The following ATXN1 variants were observed in gnomAD, a reference collection of about 807,000 sequenced individuals.
ATXN1 encodes ataxin-1.
A neutral mutation model predicts 56.4 loss-of-function variants in ATXN1; 8 were observed. The observed-to-expected ratio is 0.14, with a 90% confidence interval of 0.08 to 0.26. ATXN1 has a LOEUF of 0.26. Among genes scored for constraint, ATXN1 ranks in the 10% least tolerant of loss-of-function variants. The pLI, the probability that ATXN1 is intolerant of heterozygous loss-of-function variation, is 1.00. For synonymous variants in ATXN1, 514 were observed against 494.6 expected (o/e 1.04, Z -0.52); for missense variants, 987 against 1,106.5 (o/e 0.89, Z 1.53).
chr6:16,544,209 C>A (rs1034164439), intron 4 of ATXN1, among the ~76,000 whole-genome samples: 2 of 152,206 alleles, frequency 1.3e-5, no homozygotes, highest in Non-Finnish European at 2.9e-5. Context: ...GAGTGTGTGA[C>A]GAAGGTTGTG....
At chr6:16,521,509 G>T (rs1761288564) in intron 5 of ATXN1, among the ~76,000 whole-genome samples, 1 of 152,232 alleles carries the variant, frequency 6.6e-6, no homozygotes, top group African/African-American at 2.4e-5. Context: ...AGTGAGCCGA[G>T]ATCGTGCCAC....
At chr6:16,421,974 T>G (rs1407280593) in intron 6 of ATXN1, among the ~76,000 whole-genome samples, 2 of 152,182 alleles carry the variant, frequency 1.3e-5, no homozygotes, top group Admixed American at 6.5e-5. Flanking sequence ...TTTTTTATTA[T>G]ATGCCAATCC....
intron 6 of ATXN1, among the ~76,000 whole-genome samples, chr6:16,439,415 T>A (rs1243346851): frequency 8.9e-6 from 1 of 112,254 alleles, no homozygotes; most frequent in Non-Finnish European, 1.7e-5. Flanking sequence ...GATGCTGACA[T>A]CAGAATGTGT....
rs1341554354 is a variant in ATXN1 at position 16,305,087 on chromosome 6, A to G, written c.*1242T>C. The stretch of plus-strand genomic sequence containing the variant: ...GCTGAAATGTAGTTACAGTGTTGAA[A>G]AAAAGAAAGCAACTTAGTTTTTTTT... On this transcript the variant is annotated 3_prime_UTR_variant, in exon 8 of 8. Coordinates refer to ENST00000436367, the MANE Select transcript of ATXN1 (RefSeq NM_001128164.2). 6.5e-6 allele frequency: 1 copy of G among 152,702 alleles called. No individual in the cohort carries two copies. Among genetic ancestry groups the G allele is most frequent in the Non-Finnish European group, 1.5e-5 (1 of 68,044 alleles). 9.5% of individuals were successfully genotyped at this position (152,702 alleles called of 1,614,324 possible).
At chr6:16,444,766 A>C (rs1344104835) in intron 6 of ATXN1, among the ~76,000 whole-genome samples, 1 of 152,234 alleles carries the variant, frequency 6.6e-6, no homozygotes, top group East Asian at 1.9e-4. Flanking sequence ...TCCCTGATAA[A>C]TTTATGAATT....
At chr6:16,575,700 T>C (rs1762408218) in intron 4 of ATXN1, among the ~76,000 whole-genome samples, 1 of 152,206 alleles carries the variant, frequency 6.6e-6, no homozygotes, top group South Asian at 2.1e-4. Flanking sequence ...GTCCGAGTGG[T>C]TTACAGCCTA....
chr6:16,610,064 T>A (rs1349588688), intron 3 of ATXN1, among the ~76,000 whole-genome samples: 1 of 150,754 alleles, frequency 6.6e-6, no homozygotes, highest in Non-Finnish European at 1.5e-5. Context: ...CCTGAAAAAG[T>A]CTCCCAAAAG....
At chr6:16,694,895 G>C (rs1224017177) in intron 2 of ATXN1, among the ~76,000 whole-genome samples, 1 of 152,184 alleles carries the variant, frequency 6.6e-6, no homozygotes, top group Admixed American at 6.5e-5. Context: ...CTTCCCTCCT[G>C]TTCTTAGTTC....
At chr6:16,602,352 A>C (rs1195684006) in intron 3 of ATXN1, among the ~76,000 whole-genome samples, 1 of 152,284 alleles carries the variant, frequency 6.6e-6, no homozygotes, top group East Asian at 1.9e-4. Flanking sequence ...ACCAAAAAAA[A>C]TCCATACTTT....
Position 16,720,883 on chromosome 6 carries a change from T to C in ATXN1, c.-615+32350A>G, listed in dbSNP as rs571675467. Among the ~76,000 whole-genome samples the C allele has an allele frequency of 3.9e-5, 6 of 152,308 alleles. No individual in the cohort carries two copies. The South Asian group carries it at 1.0e-3, about 26-fold the overall frequency. On this transcript the variant is annotated intron_variant, in intron 2 of 7. Coordinates refer to ENST00000436367, the MANE Select transcript of ATXN1 (RefSeq NM_001128164.2). Reference sequence around the variant, plus strand: ...TAACCCATCCAGCAAAATATTTCTTTAGATGCTGTTCAGGCCAGATACTGT... The same window carrying C: ...TAACCCATCCAGCAAAATATTTCTTCAGATGCTGTTCAGGCCAGATACTGT...
At chr6:16,536,395 T>C (rs1248086980) in intron 4 of ATXN1, among the ~76,000 whole-genome samples, 1 of 152,092 alleles carries the variant, frequency 6.6e-6, no homozygotes, top group Non-Finnish European at 1.5e-5. Context: ...ACAAAGCAAA[T>C]ATAGCAAAAT....
In ATXN1 at chr6:16,752,673, A is replaced by G. The variant is rs369639115; in HGVS notation, c.-615+560T>C. On this transcript the variant is annotated intron_variant, in intron 2 of 7. Coordinates refer to ENST00000436367, the MANE Select transcript of ATXN1 (RefSeq NM_001128164.2). ...GCAATATCCTCTGGCCCTTTCTTCA[A>G]TAGAGAACCATGAGTCATCACCATT... is the stretch of plus-strand genomic sequence containing the variant. 2.6e-5 allele frequency among the ~76,000 whole-genome samples: 4 copies of G among 152,280 alleles called. No individual in the cohort carries two copies. The East Asian group carries it at 7.7e-4, about 29-fold the overall frequency.
Position 16,316,865 on chromosome 6 carries a change from C to CTTTTTTTTTTTTTTTTTTT in ATXN1, c.1917+9510_1917+9528dup, listed in dbSNP as rs375359789. Among the ~76,000 whole-genome samples, 49 of 99,452 alleles carry CTTTTTTTTTTTTTTTTTTT rather than the reference C, an allele frequency of 4.9e-4. 5 individuals carry two copies. The highest frequency in any genetic ancestry group is 1.3e-3 in the South Asian group (3 of 2,348). 65.2% of individuals were successfully genotyped at this position (99,452 alleles called of 152,430 possible). ...AGGGGGCAATAGAGAGACTGCCTGT[C>CTTTTTTTTTTTTTTTTTTT]TTTTTTTTTTTTTTTTTTTTTTTTT... On this transcript the variant is annotated intron_variant, in intron 7 of 7. Transcript: ENST00000436367.
At chr6:16,707,400 G>A (rs777927618) in intron 2 of ATXN1, among the ~76,000 whole-genome samples, 24 of 152,002 alleles carry the variant, frequency 1.6e-4, no homozygotes, top group East Asian at 3.9e-4. Context: ...AAATCCTCCC[G>A]GTTGTTCCAC....
chr6:16,654,008 A>C (rs1758135415), intron 3 of ATXN1, among the ~76,000 whole-genome samples: 1 of 152,214 alleles, frequency 6.6e-6, no homozygotes, highest in Non-Finnish European at 1.5e-5. Flanking sequence ...CATCCCCAGA[A>C]CTTCTGATTC....
chr6:16,566,957 T>C (rs1762242324), intron 4 of ATXN1, among the ~76,000 whole-genome samples: 1 of 152,196 alleles, frequency 6.6e-6, no homozygotes, highest in South Asian at 2.1e-4. Flanking sequence ...GTAAGTTGTC[T>C]TTCATATGCT....
chr6:16,742,904 A>G (rs148203946), intron 2 of ATXN1, among the ~76,000 whole-genome samples: 1 of 152,316 alleles, frequency 6.6e-6, no homozygotes, highest in East Asian at 1.9e-4. Flanking sequence ...AGAACTTCAG[A>G]ACTACTCTCT....
At chr6:16,638,122 G>T (rs916053457) in intron 3 of ATXN1, among the ~76,000 whole-genome samples, 1 of 152,100 alleles carries the variant, frequency 6.6e-6, no homozygotes, top group Non-Finnish European at 1.5e-5. Flanking sequence ...GGGTAGAGGA[G>T]TGTGTATGGG....
intron 6 of ATXN1, among the ~76,000 whole-genome samples, chr6:16,456,517 G>C (rs1260202510): frequency 6.6e-6 from 1 of 152,180 alleles, no homozygotes; most frequent in African/African-American, 2.4e-5. Flanking sequence ...TCCGGGCTAA[G>C]CCTAGGGTCG....
Sources: allele counts gnomAD v4.1 joint callset (sites outside exome capture counted in the v4.1 genomes callset), GRCh38; gene constraint gnomAD v4.1.1; transcripts MANE v1.5; gene names NCBI Gene and HGNC (gene_info 2026-07-23, HGNC 2026-07-21).